The following HAS3 variants were observed in gnomAD, a reference collection of about 807,000 sequenced individuals.
The protein encoded by HAS3 is HA synthase 3.
In HAS3, 27 loss-of-function variants were observed where a neutral mutation model predicts 50.3. That is an observed-to-expected ratio of 0.54 (90% confidence interval 0.40 to 0.74). HAS3 has a LOEUF of 0.74. Among genes scored for constraint, HAS3 ranks in the 30% least tolerant of loss-of-function variants. The pLI is 0.00. For missense variants in HAS3, 517 were observed against 742.8 expected (o/e 0.70, Z 3.53); for synonymous variants, 339 against 310.9 (o/e 1.09, Z -0.95).
At chr16:69,097,893 C>G in the HAS3 span, among the ~76,000 whole-genome samples, 3 of 152,180 alleles carry the variant, frequency 2.0e-5, no homozygotes, top group African/African-American at 7.2e-5. Flanking sequence ...GCAGACTCCG[C>G]CTTTCCCTGC....
At chr16:69,099,923 TTTGATATTCGGTTA>T in the HAS3 span, among the ~76,000 whole-genome samples, 1 of 152,094 alleles carries the variant, frequency 6.6e-6, no homozygotes, top group Non-Finnish European at 1.5e-5. Context: ...CCAGGTCTGA[TTTGATATTCGGTTA>T]TCGGTCTAGT....
At chr16:69,087,524 C>A in the HAS3 span, among the ~76,000 whole-genome samples, 3 of 151,910 alleles carry the variant, frequency 2.0e-5, no homozygotes, top group Admixed American at 6.6e-5. Context: ...ATTTCCCAAT[C>A]TCCTCTTCCA....
the HAS3 span, among the ~76,000 whole-genome samples, chr16:69,098,708 C>T: frequency 1.4e-5 from 2 of 139,302 alleles, no homozygotes; most frequent in Non-Finnish European, 3.0e-5. Flanking sequence ...TCTTGTTGCC[C>T]AGACTGGAGT....
rs1454624076 is a variant in HAS3 at position 69,109,070 on chromosome 16, G to A, written c.1-326G>A. On this transcript the variant is annotated intron_variant, in intron 1 of 3. Coordinates refer to ENST00000569188, the MANE Select transcript of HAS3 (RefSeq NM_001199280.2). The surrounding 1 kb of genome is among the most constrained non-coding windows in gnomAD (Gnocchi z 5.3). The stretch of plus-strand genomic sequence containing the variant: ...CTGCCACCCACCAGCCAGATGTCAC[G>A]TGACCCTCTGGGCCTTGGCTTGTCT... Among the ~76,000 whole-genome samples, 2 of 152,160 alleles carry A rather than the reference G, an allele frequency of 1.3e-5. No individual in the cohort carries two copies. Among genetic ancestry groups the A allele is most frequent in the African/African-American group, 4.8e-5 (2 of 41,428 alleles).
the HAS3 span, among the ~76,000 whole-genome samples, chr16:69,099,266 C>T: frequency 4.4e-3 from 670 of 151,944 alleles, 24 homozygotes; most frequent in South Asian, 0.083. Context: ...CCACCGCGCC[C>T]GGCCAAACCT....
chr16:69,115,753 T>C lies in HAS3; in HGVS notation c.*487T>C, dbSNP rs929430866. The stretch of plus-strand genomic sequence containing the variant: ...CACCCCACCCCTAAGTAGTCATCAA[T>C]GCAATAAGATTGCGCCTGAGATACA... On this transcript the variant is annotated 3_prime_UTR_variant, in exon 4 of 4. Transcript: ENST00000569188. 6.1e-6 allele frequency: 6 copies of C among 986,552 alleles called. No individual in the cohort carries two copies. The highest frequency in any genetic ancestry group is 1.2e-4 in the Admixed American group (2 of 16,272). The allele number at this position is 986,552 out of a possible 1,614,324, so 61.1% of individuals were successfully genotyped here.
the HAS3 span, among the ~76,000 whole-genome samples, chr16:69,099,767 T>G: frequency 6.6e-6 from 1 of 152,104 alleles, no homozygotes; most frequent in African/African-American, 2.4e-5. Context: ...GTTTTTTTAG[T>G]AGCTGCACAA....
At chr16:69,098,654 C>T in the HAS3 span, among the ~76,000 whole-genome samples, 7 of 144,478 alleles carry the variant, frequency 4.8e-5, no homozygotes, top group East Asian at 1.0e-3. Context: ...AATATATTAT[C>T]AAACCTGATT....
the HAS3 span, among the ~76,000 whole-genome samples, chr16:69,087,152 G>A: frequency 6.6e-6 from 1 of 152,078 alleles, no homozygotes; most frequent in Non-Finnish European, 1.5e-5. Flanking sequence ...TTCCTCTGTG[G>A]CACTCACTCA....
Position 69,116,660 on chromosome 16 carries a change from C to T in HAS3, c.*1394C>T. ...TCCTACATCCTAAGGTTCTTGCTTT[C>T]TCTCTCATGCCTCCTGAGGCTGTTT... is the stretch of plus-strand genomic sequence containing the variant. On this transcript the variant is annotated 3_prime_UTR_variant, in exon 4 of 4. Transcript: ENST00000569188. 1.0e-6 allele frequency: 1 copy of T among 985,288 alleles called. No individual in the cohort carries two copies. Among genetic ancestry groups the T allele is most frequent in the Non-Finnish European group, 1.2e-6 (1 of 829,766 alleles). 61.0% of individuals were successfully genotyped at this position (985,288 alleles called of 1,614,324 possible).
chr16:69,095,129 G>A, the HAS3 span, among the ~76,000 whole-genome samples: 1 of 151,876 alleles, frequency 6.6e-6, no homozygotes, highest in Non-Finnish European at 1.5e-5. Context: ...TTACAGGCAC[G>A]CGTCACCACA....
Position 69,116,553 on chromosome 16 carries a change from AG to A in HAS3, c.*1290del. Reference sequence around the variant, plus strand: ...ATCCATTCTCCTCAGTGGCTTCTCCAGGGAATTCTTACAGCCAAGTTGTGAC... The same window carrying A: ...ATCCATTCTCCTCAGTGGCTTCTCCAGGAATTCTTACAGCCAAGTTGTGAC... On this transcript the variant is annotated 3_prime_UTR_variant, in exon 4 of 4. Transcript: ENST00000569188. 1.0e-6 allele frequency: 1 copy of A among 985,742 alleles called. No individual in the cohort carries two copies. Among genetic ancestry groups the A allele is most frequent in the Non-Finnish European group, 1.2e-6 (1 of 829,882 alleles). The allele number at this position is 985,742 out of a possible 1,614,324, so 61.1% of individuals were successfully genotyped here.
chr16:69,116,641 A>C lies in HAS3; in HGVS notation c.*1375A>C. On this transcript the variant is annotated 3_prime_UTR_variant, in exon 4 of 4. Coordinates refer to ENST00000569188, the MANE Select transcript of HAS3 (RefSeq NM_001199280.2). ...ACTAGGAGATGAAACTGGTTCCTAC[A>C]TCCTAAGGTTCTTGCTTTCTCTCTC... The C allele has an allele frequency of 1.0e-6, 1 of 985,324 alleles. No homozygotes were observed. The highest frequency in any genetic ancestry group is 1.2e-6 in the Non-Finnish European group (1 of 829,798). 61.0% of individuals were successfully genotyped at this position (985,324 alleles called of 1,614,324 possible).
In HAS3 at chr16:69,116,209, ACATT is replaced by A; in HGVS notation, c.*944_*947del. ...TCCCCACTTCACTTTCTTCAAAGCCACATTTTTTGAGGTATCACTGCAGTCACCT... is the reference window on the plus strand; with the variant it reads ...TCCCCACTTCACTTTCTTCAAAGCCATTTTGAGGTATCACTGCAGTCACCT... On this transcript the variant is annotated 3_prime_UTR_variant, in exon 4 of 4. Transcript: ENST00000569188. 2.0e-6 allele frequency: 2 copies of A among 985,434 alleles called. No homozygotes were observed. The highest frequency in any genetic ancestry group is 2.4e-6 in the Non-Finnish European group (2 of 829,966). 61.0% of individuals were successfully genotyped at this position (985,434 alleles called of 1,614,324 possible).
At position 69,110,495 on chromosome 16, in the gene HAS3, A is replaced by G. The variant is rs557096558; in HGVS notation, c.636+464A>G. On this transcript the variant is annotated intron_variant, in intron 2 of 3. Coordinates refer to ENST00000569188, the MANE Select transcript of HAS3 (RefSeq NM_001199280.2). The stretch of plus-strand genomic sequence containing the variant: ...TTTAAAGGCATGATCAATACGCACT[A>G]TAGCCTCAAACTCCTGGCCTTGGGC... Among the ~76,000 whole-genome samples, 5 of 152,246 alleles carry G rather than the reference A, an allele frequency of 3.3e-5. No individual in the cohort carries two copies. The East Asian group carries it at 7.7e-4, about 24-fold the overall frequency.
rs553789240 is a variant in HAS3 at position 69,115,986 on chromosome 16, TAC to T, written c.*724_*725del. The T allele has an allele frequency of 3.5e-4, 343 of 985,816 alleles. No individual in the cohort carries two copies. The African/African-American group carries it at 5.8e-3, about 17-fold the overall frequency. The allele number at this position is 985,816 out of a possible 1,614,324, so 61.1% of individuals were successfully genotyped here. Reference sequence around the variant, plus strand: ...GGTGGTGCTAAAGGAGGCCATAAGCTACACAGAGGCCTTGGGTGTTCCACCTG... The same window carrying T: ...GGTGGTGCTAAAGGAGGCCATAAGCTACAGAGGCCTTGGGTGTTCCACCTG... On this transcript the variant is annotated 3_prime_UTR_variant, in exon 4 of 4. Coordinates refer to ENST00000569188, the MANE Select transcript of HAS3 (RefSeq NM_001199280.2).
At chr16:69,112,373 C>G (rs1961034334) in intron 2 of HAS3, among the ~76,000 whole-genome samples, 1 of 152,198 alleles carries the variant, frequency 6.6e-6, no homozygotes, top group African/African-American at 2.4e-5. Flanking sequence ...ATATGAGGGA[C>G]TCAGCCTGGT....
At chr16:69,112,703 T>G (rs2152258833) in intron 2 of HAS3, among the ~76,000 whole-genome samples, 1 of 152,300 alleles carries the variant, frequency 6.6e-6, no homozygotes, top group South Asian at 2.1e-4. Context: ...AGTCAGCCAC[T>G]AGGGCAACTA....
chr16:69,097,258 C>G, the HAS3 span, among the ~76,000 whole-genome samples: 1 of 151,954 alleles, frequency 6.6e-6, no homozygotes, highest in South Asian at 2.1e-4. Flanking sequence ...AGGTGGATCA[C>G]AAGGTCAGGA....
Sources: gnomAD v4.1 joint callset for allele counts (sites outside exome capture counted in the v4.1 genomes callset) on GRCh38, gnomAD v4.1.1 for gene constraint, Gnocchi (gnomAD v3.1) non-coding constraint, MANE v1.5 for transcripts, NCBI Gene and HGNC (gene_info 2026-07-23, HGNC 2026-07-21) for gene names.